The following SMAD3 variants were observed in gnomAD, a reference collection of about 807,000 sequenced individuals.
SMAD3 encodes SMAD family member 3.
In SMAD3, 12 loss-of-function variants were observed where a neutral mutation model predicts 51.8. That is an observed-to-expected ratio of 0.23 (90% CI 0.15 to 0.38). The LOEUF is 0.38. SMAD3 is among the 10% of genes least tolerant of loss of function. The pLI, the probability that SMAD3 is intolerant of heterozygous loss-of-function variation, is 1.00. For synonymous variants in SMAD3, 238 were observed against 227.7 expected, an observed-to-expected ratio of 1.05 and a Z score of -0.41; for missense variants, 294 against 565.6, an observed-to-expected ratio of 0.52 and a Z score of 4.87.
intron 1 of SMAD3, among the ~76,000 whole-genome samples, chr15:67,124,213 T>C (rs1961331956): frequency 6.6e-6 from 1 of 152,208 alleles, no homozygotes. Flanking sequence ...GGTCTTGAAC[T>C]CCTGGCCTCA....
At chr15:67,163,688 A>G (rs916017713) in intron 1 of SMAD3, among the ~76,000 whole-genome samples, 1 of 152,186 alleles carries the variant, frequency 6.6e-6, no homozygotes, top group Non-Finnish European at 1.5e-5. Context: ...GTCAGGGACC[A>G]CACTTTGGCC....
At chr15:67,166,070 A>G (rs1962580238) in intron 3 of SMAD3, 1 of 535,674 alleles carries the variant, frequency 1.9e-6, no homozygotes, top group Admixed American at 5.5e-5. Context: ...CGTGACGTTC[A>G]TCCTGGGTTA....
intron 1 of SMAD3, chr15:67,098,976 T>C (rs1208927555): frequency 5.7e-6 from 4 of 702,282 alleles, no homozygotes; most frequent in African/African-American, 3.5e-5. Context: ...ATGTGGACTT[T>C]TGCCCCAAAC....
rs565527445 is a variant in SMAD3, at chr15:67,170,842, C to CG, written c.658+241dup. Among the ~76,000 whole-genome samples, 79 of 152,260 alleles carry CG rather than the reference C, an allele frequency of 5.2e-4. No individual in the cohort carries two copies. The South Asian group carries it at 0.012, about 22-fold the overall frequency. ...CCAGGTTTGTATTTCCCCTGGGGGG[C>CG]GGGTAGACGTGAGTGAATGAAAATT... On this transcript the variant is annotated intron_variant, in intron 5 of 8. Transcript: ENST00000327367.
intron 1 of SMAD3, among the ~76,000 whole-genome samples, chr15:67,068,971 G>A (rs901551011): frequency 2.6e-5 from 4 of 152,174 alleles, no homozygotes; most frequent in East Asian, 1.9e-4. Flanking sequence ...CCCTGTGTGT[G>A]GGGGGTTGGT....
In SMAD3 at chr15:67,193,832, T is replaced by C. The variant is rs1013568622; in HGVS notation, c.*3296T>C. On this transcript the variant is annotated 3_prime_UTR_variant, in exon 9 of 9. Coordinates refer to ENST00000327367, the MANE Select transcript of SMAD3 (RefSeq NM_005902.4). ...CTTGGCTTCCTAGAGTTTGGACATA[T>C]TCCAGGCTAAATGCTTTTACTCAAG... The C allele has an allele frequency of 2.6e-5, 6 of 233,282 alleles. No individual in the cohort carries two copies. The highest frequency in any genetic ancestry group is 1.3e-4 in the African/African-American group (6 of 45,334). The allele number at this position is 233,282 out of a possible 1,614,324, so 14.5% of individuals were successfully genotyped here.
chr15:67,093,312 G>A (rs990480880), intron 1 of SMAD3, among the ~76,000 whole-genome samples: 3 of 152,068 alleles, frequency 2.0e-5, no homozygotes, highest in Non-Finnish European at 2.9e-5. Context: ...ACACCTTAGC[G>A]GGCCTGTGAA....
At chr15:67,093,544 G>T (rs1960552388) in intron 1 of SMAD3, among the ~76,000 whole-genome samples, 1 of 152,220 alleles carries the variant, frequency 6.6e-6, no homozygotes, top group African/African-American at 2.4e-5. Context: ...CTTCCCAGCA[G>T]CCCTGTCAAG....
chr15:67,172,122 G>A (rs570876248), intron 5 of SMAD3, among the ~76,000 whole-genome samples: 2 of 152,362 alleles, frequency 1.3e-5, no homozygotes, highest in East Asian at 3.9e-4. Context: ...CTTCCCTCTA[G>A]ATTGTGTAGA....
chr15:67,106,831 G>T (rs1209191380), intron 1 of SMAD3, among the ~76,000 whole-genome samples: 3 of 152,162 alleles, frequency 2.0e-5, no homozygotes, highest in East Asian at 3.8e-4. Flanking sequence ...TCTTTTGCAA[G>T]GTGACACTTA....
At chr15:67,077,516 T>C (rs912563236) in intron 1 of SMAD3, among the ~76,000 whole-genome samples, 2 of 152,082 alleles carry the variant, frequency 1.3e-5, no homozygotes, top group Non-Finnish European at 2.9e-5. Flanking sequence ...ACCAGAGATA[T>C]AGAGATGAAG....
rs1445622655 is a variant in SMAD3 at position 67,193,787 on chromosome 15, T to C, written c.*3251T>C. ...TAGCACATATCATGTGCTTAGTTTG[T>C]TTATTTTTCTCCATCTCCCCTTGGC... On this transcript the variant is annotated 3_prime_UTR_variant, in exon 9 of 9. Transcript: ENST00000327367. 8.6e-6 allele frequency: 2 copies of C among 233,526 alleles called. No individual in the cohort carries two copies. Among genetic ancestry groups the C allele is most frequent in the Non-Finnish European group, 8.5e-6 (1 of 117,836 alleles). The allele number at this position is 233,526 out of a possible 1,614,324, so 14.5% of individuals were successfully genotyped here. A position where few individuals can be genotyped will look rare whatever the true frequency, so the allele number is the denominator to read the frequency against.
At chr15:67,084,589 G>A (rs1160653388) in intron 1 of SMAD3, among the ~76,000 whole-genome samples, 1 of 152,138 alleles carries the variant, frequency 6.6e-6, no homozygotes, top group African/African-American at 2.4e-5. Context: ...TTTTGTTGGT[G>A]GTGGTGCCAT....
At chr15:67,083,733 C>T (rs1193547330) in intron 1 of SMAD3, among the ~76,000 whole-genome samples, 3 of 152,198 alleles carry the variant, frequency 2.0e-5, no homozygotes, top group Non-Finnish European at 4.4e-5. Context: ...CTGAACATCC[C>T]TACAATATCT....
intron 3 of SMAD3, 141 bp downstream of exon 3, chr15:67,165,525 CT>C: frequency 2.0e-6 from 2 of 1,015,108 alleles, no homozygotes; most frequent in Non-Finnish European, 2.9e-6. Context: ...CTGAGGGCCC[CT>C]GACTCAGAAC....
At chr15:67,166,650 C>T (rs1397849116) in intron 3 of SMAD3, 129 bp from the exon 4 acceptor site, 1 of 726,740 alleles carries the variant, frequency 1.4e-6, no homozygotes, top group Non-Finnish European at 2.5e-6. Flanking sequence ...AACCTCTACT[C>T]CAAGACCTGG....
At chr15:67,094,684 G>A (rs1042397695) in intron 1 of SMAD3, among the ~76,000 whole-genome samples, 1 of 152,240 alleles carries the variant, frequency 6.6e-6, no homozygotes, top group African/African-American at 2.4e-5. Flanking sequence ...AGGGAAATGC[G>A]TGGGGCTGCA....
rs1309787441 is a variant in SMAD3 at position 67,182,997 on chromosome 15, AAAAATAT to A, written c.871+1546_871+1552del. Among the ~76,000 whole-genome samples, 228 of 57,132 alleles carry A rather than the reference AAAAATAT, an allele frequency of 4.0e-3. 1 individual carries two copies. The highest frequency in any genetic ancestry group is 6.7e-3 in the East Asian group (11 of 1,640). 37.5% of individuals were successfully genotyped at this position (57,132 alleles called of 152,430 possible). A position where few individuals can be genotyped will look rare whatever the true frequency, so the allele number is the denominator to read the frequency against. Reference sequence around the variant, plus strand: ...TTTCTATATTTTATTAAAAAAAAAAAAAAATATATATATATATATATATATATATATA... The same window carrying A: ...TTTCTATATTTTATTAAAAAAAAAAAATATATATATATATATATATATATA... On this transcript the variant is annotated intron_variant, in intron 6 of 8. Transcript: ENST00000327367.
At position 67,108,233 on chromosome 15, in the gene SMAD3, T is replaced by C. The variant is rs138711797; in HGVS notation, c.206+41873T>C. 5.2e-3 allele frequency among the ~76,000 whole-genome samples: 789 copies of C among 152,258 alleles called. 7 individuals are homozygous for C. The highest frequency in any genetic ancestry group is 0.018 in the African/African-American group (749 of 41,566). On this transcript the variant is annotated intron_variant, in intron 1 of 8. Transcript: ENST00000327367. Reference sequence around the variant, plus strand: ...ATTATTGCTGTAAATGGGCAGGGATTACGCATTTGTGGAGTGACTGATTTC... The same window carrying C: ...ATTATTGCTGTAAATGGGCAGGGATCACGCATTTGTGGAGTGACTGATTTC...
Sources: allele counts gnomAD v4.1 joint callset (sites outside exome capture counted in the v4.1 genomes callset), GRCh38; gene constraint gnomAD v4.1.1; transcripts MANE v1.5; gene names NCBI Gene and HGNC (gene_info 2026-07-23, HGNC 2026-07-21).